Variants in XPR1 observed in about 807,000 individuals in gnomAD.
The protein encoded by XPR1 is xenotropic and polytropic retrovirus receptor 1, also known as solute carrier family 53 member 1.
Under a neutral mutation model 87.5 loss-of-function variants are expected in XPR1, and 28 were observed. That is an observed-to-expected ratio of 0.32 (90% CI 0.24 to 0.44). The LOEUF is 0.44. XPR1 is among the 20% of genes least tolerant of loss of function. XPR1 has a pLI of 1.00. For missense variants in XPR1, 559 were observed against 862.3 expected, an observed-to-expected ratio of 0.65 and a Z score of 4.41; for synonymous variants, 300 against 306.1, an observed-to-expected ratio of 0.98 and a Z score of 0.21.
At chr1:180,739,556 A>C (rs544234593) in intron 2 of XPR1, among the ~76,000 whole-genome samples, 1 of 152,192 alleles carries the variant, frequency 6.6e-6, no homozygotes, top group Non-Finnish European at 1.5e-5. Context: ...CTTCCAATAC[A>C]TGATTATGGA....
intron 2 of XPR1, among the ~76,000 whole-genome samples, chr1:180,754,420 C>A (rs1005019376): frequency 2.6e-5 from 4 of 151,862 alleles, no homozygotes; most frequent in African/African-American, 9.7e-5. Context: ...ATATGAAACC[C>A]AAGTTTGTCC....
chr1:180,755,774 T>G (rs1005399849), intron 2 of XPR1, among the ~76,000 whole-genome samples: 3 of 152,230 alleles, frequency 2.0e-5, no homozygotes, highest in African/African-American at 4.8e-5. Flanking sequence ...GTTTTGTGCT[T>G]CTAACCCCAC....
rs1344302562 is a variant in XPR1 at position 180,874,117 on chromosome 1, AC to A, written c.1808+176del. 8 of 747,342 alleles carry A rather than the reference AC, an allele frequency of 1.1e-5. No individual in the cohort carries two copies. In the African/African-American group the frequency reaches 1.2e-4, roughly 12 times the overall value. The allele number at this position is 747,342 out of a possible 1,614,324, so 46.3% of individuals were successfully genotyped here. ...ACCATGTTGGCCAGGCTGATCTCGAACTCTTGACCTCAGTTGATCCACCCAC... is the reference window on the plus strand; with the variant it reads ...ACCATGTTGGCCAGGCTGATCTCGAATCTTGACCTCAGTTGATCCACCCAC... On this transcript the variant is annotated intron_variant, in intron 13 of 14. Coordinates refer to ENST00000367590, the MANE Select transcript of XPR1 (RefSeq NM_004736.4).
intron 1 of XPR1, among the ~76,000 whole-genome samples, chr1:180,678,451 T>A (rs748952505): frequency 9.2e-5 from 14 of 152,240 alleles, no homozygotes; most frequent in Non-Finnish European, 1.9e-4. Context: ...TTTTTGGAGC[T>A]CTATGCCGGG....
At chr1:180,689,090 T>C (rs1174596677) in intron 2 of XPR1, among the ~76,000 whole-genome samples, 1 of 152,160 alleles carries the variant, frequency 6.6e-6, no homozygotes, top group African/African-American at 2.4e-5. Flanking sequence ...AATCCAATAG[T>C]CAACCAAGGT....
intron 2 of XPR1, among the ~76,000 whole-genome samples, chr1:180,699,095 T>C (rs1221286037): frequency 6.6e-6 from 1 of 152,170 alleles, no homozygotes; most frequent in East Asian, 1.9e-4. Context: ...TTAAATAGGC[T>C]TTTTATATCT....
intron 2 of XPR1, among the ~76,000 whole-genome samples, chr1:180,741,439 T>C (rs1658922052): frequency 2.0e-5 from 3 of 152,076 alleles, no homozygotes; most frequent in Admixed American, 6.5e-5. Context: ...AGGCTAGGAT[T>C]ACAGGCATGA....
intron 7 of XPR1, among the ~76,000 whole-genome samples, chr1:180,814,417 C>G (rs1365102655): frequency 6.6e-6 from 1 of 152,174 alleles, no homozygotes; most frequent in African/African-American, 2.4e-5. Context: ...TCTATGTTAT[C>G]AAGCTAGCTG....
chr1:180,735,456 G>A (rs895956745), intron 2 of XPR1, among the ~76,000 whole-genome samples: 2 of 152,148 alleles, frequency 1.3e-5, no homozygotes, highest in African/African-American at 4.8e-5. Flanking sequence ...GTGTTCTTCA[G>A]AATTTTTATT....
intron 1 of XPR1, among the ~76,000 whole-genome samples, chr1:180,676,369 C>A (rs1160985960): frequency 2.6e-5 from 4 of 152,166 alleles, no homozygotes; most frequent in Non-Finnish European, 4.4e-5. Flanking sequence ...TTCATTCAAA[C>A]ATTTGAATCT....
chr1:180,733,019 T>C (rs1658608525), intron 2 of XPR1, among the ~76,000 whole-genome samples: 1 of 152,182 alleles, frequency 6.6e-6, no homozygotes, highest in South Asian at 2.1e-4. Flanking sequence ...CTTCTTCTTG[T>C]TGGTGGCCCA....
chr1:180,774,384 C>CTTTTTTTTTTTTTTT (rs71121051), intron 2 of XPR1, among the ~76,000 whole-genome samples: 2 of 68,900 alleles, frequency 2.9e-5, no homozygotes, highest in African/African-American at 1.2e-4. Context: ...TCTTTCCTAT[C>CTTTTTTTTTTTTTTT]TTTTTTTTTT....
chr1:180,865,395 ATTTG>A (rs1652354545), intron 12 of XPR1, among the ~76,000 whole-genome samples: 1 of 148,760 alleles, frequency 6.7e-6, no homozygotes. Flanking sequence ...GCTATAAAAC[ATTTG>A]TTTCTTTTTT....
At chr1:180,786,198 A>G (rs1649135173) in intron 2 of XPR1, among the ~76,000 whole-genome samples, 1 of 149,662 alleles carries the variant, frequency 6.7e-6, no homozygotes, top group Admixed American at 6.7e-5. Flanking sequence ...TTCAAATAAA[A>G]TAAATAGATT....
rs561967838 is a variant in XPR1, at chr1:180,720,122, C to T, written c.121+37711C>T. ...GAAAAGCAGGGAGCAGGGCCGGGGG[C>T]GTGGGGGTGGTGTTACGAGATAGGA... On this transcript the variant is annotated intron_variant, in intron 2 of 14. Coordinates refer to ENST00000367590, the MANE Select transcript of XPR1 (RefSeq NM_004736.4). Among the ~76,000 whole-genome samples the T allele has an allele frequency of 8.6e-5, 13 of 150,648 alleles. No individual in the cohort carries two copies. The South Asian group carries it at 2.5e-3, about 29-fold the overall frequency.
At chr1:180,850,031 G>A (rs535899888) in intron 11 of XPR1, among the ~76,000 whole-genome samples, 1 of 152,280 alleles carries the variant, frequency 6.6e-6, no homozygotes, top group South Asian at 2.1e-4. Context: ...ATATCTCAAA[G>A]TGGATTGATA....
chr1:180,822,847 A>G (rs1436852577), intron 7 of XPR1, among the ~76,000 whole-genome samples: 1 of 152,220 alleles, frequency 6.6e-6, no homozygotes, highest in Non-Finnish European at 1.5e-5. Context: ...TTGATTCCAA[A>G]GCAAAGGCTT....
intron 4 of XPR1, among the ~76,000 whole-genome samples, chr1:180,805,456 C>T (rs543246171): frequency 3.9e-5 from 6 of 152,008 alleles, no homozygotes; most frequent in African/African-American, 1.5e-4. Flanking sequence ...TAAACTGAAC[C>T]CTGTAAGTAT....
chr1:180,877,314 T>C (rs1182248353), intron 13 of XPR1, among the ~76,000 whole-genome samples: 1 of 152,132 alleles, frequency 6.6e-6, no homozygotes, highest in African/African-American at 2.4e-5. Context: ...CAGTATATGG[T>C]GTTGGTGAAA....
Sources: gnomAD v4.1 joint callset for allele counts (sites outside exome capture counted in the v4.1 genomes callset) on GRCh38, gnomAD v4.1.1 for gene constraint, MANE v1.5 for transcripts, NCBI Gene and HGNC (gene_info 2026-07-23, HGNC 2026-07-21) for gene names.